DLGAP2: variants seen among roughly 807,000 people sequenced by gnomAD.
The protein encoded by DLGAP2 is DLG associated protein 2.
In DLGAP2, 26 loss-of-function variants were observed where a neutral mutation model predicts 100.3. The ratio of observed to expected loss-of-function variants is 0.26; its 90% CI spans 0.19 to 0.36. DLGAP2 has a LOEUF of 0.36. DLGAP2 is among the 10% of genes least tolerant of loss of function. The pLI, the probability that DLGAP2 is intolerant of heterozygous loss-of-function variation, is 1.00. For synonymous variants in DLGAP2, 886 were observed against 630.1 expected (o/e 1.41, Z -6.08); for missense variants, 1,858 against 1,453.2 (o/e 1.28, Z -4.53).
At chr8:1,007,322 C>T (rs543624490) in intron 2 of DLGAP2, among the ~76,000 whole-genome samples, 2 of 152,350 alleles carry the variant, frequency 1.3e-5, no homozygotes, top group African/African-American at 4.8e-5. Context: ...GCCAGCCGCT[C>T]TCAGGTGCCC....
chr8:1,092,975 A>T (rs904528586), intron 2 of DLGAP2, among the ~76,000 whole-genome samples: 15 of 152,174 alleles, frequency 9.9e-5, no homozygotes, highest in African/African-American at 3.6e-4. Context: ...TTCACCGGAT[A>T]TGGGGGCTGC....
intron 1 of DLGAP2, among the ~76,000 whole-genome samples, chr8:875,761 A>G (rs1797678027): frequency 6.6e-6 from 1 of 152,088 alleles, no homozygotes; most frequent in African/African-American, 2.4e-5. Context: ...GTAGCATTTT[A>G]AGTTACTTAA....
intron 1 of DLGAP2, among the ~76,000 whole-genome samples, chr8:812,127 T>C (rs34531176): frequency 0.11 from 17,189 of 152,172 alleles, 1,501 homozygotes; most frequent in East Asian, 0.51. Context: ...AGAGATTTAA[T>C]GCGAGGAAGT....
At chr8:1,191,251 A>C (rs1797629313) in intron 2 of DLGAP2, among the ~76,000 whole-genome samples, 1 of 123,240 alleles carries the variant, frequency 8.1e-6, no homozygotes, top group African/African-American at 3.1e-5. Flanking sequence ...GGCTCACTGC[A>C]GCTCCACCTC....
At chr8:1,339,929 G>T (rs1306247282) in intron 3 of DLGAP2, among the ~76,000 whole-genome samples, 1 of 152,210 alleles carries the variant, frequency 6.6e-6, no homozygotes, top group East Asian at 1.9e-4. Flanking sequence ...AGGAAGCTGT[G>T]CAAACAGCTA....
intron 1 of DLGAP2, among the ~76,000 whole-genome samples, chr8:782,075 T>C (rs61266232): frequency 0.093 from 14,162 of 152,124 alleles, 891 homozygotes; most frequent in East Asian, 0.23. Context: ...AGAGAAAAAT[T>C]TGAATGTTTC....
At chr8:778,756 G>A (rs1364436585) in intron 1 of DLGAP2, among the ~76,000 whole-genome samples, 1 of 152,240 alleles carries the variant, frequency 6.6e-6, no homozygotes, top group Non-Finnish European at 1.5e-5. Flanking sequence ...CTGTCAGACA[G>A]GGACATTTAA....
chr8:1,201,206 G>A (rs1797865321), intron 2 of DLGAP2, among the ~76,000 whole-genome samples: 1 of 152,174 alleles, frequency 6.6e-6, no homozygotes, highest in Admixed American at 6.5e-5. Context: ...CAGGGTTCTC[G>A]AGAGACGCAG....
In DLGAP2 at chr8:1,052,198, C is replaced by T. The variant is rs141476239; in HGVS notation, c.73+144232C>T. Among the ~76,000 whole-genome samples the T allele has an allele frequency of 4.6e-5, 7 of 152,248 alleles. No homozygotes were observed. The East Asian group carries it at 1.4e-3, about 30-fold the overall frequency. On this transcript the variant is annotated intron_variant, in intron 2 of 14. Transcript: ENST00000637795. ...CCGCCCTTCCTGGGCCTGCCTCTGA[C>T]CACCCCTTCCCCCCATTCTCATGCA...
At chr8:946,358 G>A (rs978100897) in intron 2 of DLGAP2, among the ~76,000 whole-genome samples, 2 of 151,788 alleles carry the variant, frequency 1.3e-5, no homozygotes, top group African/African-American at 2.4e-5. Flanking sequence ...CCGCCTCCCG[G>A]GTTCACACCA....
chr8:1,512,682 T>C (rs1800212422), intron 4 of DLGAP2, among the ~76,000 whole-genome samples: 1 of 152,210 alleles, frequency 6.6e-6, no homozygotes, highest in African/African-American at 2.4e-5. Flanking sequence ...TCTAGGAGGT[T>C]CAGCTGACAG....
intron 2 of DLGAP2, among the ~76,000 whole-genome samples, chr8:1,129,401 C>CAA (rs35118074): frequency 8.9e-6 from 1 of 112,040 alleles, no homozygotes; most frequent in African/African-American, 3.8e-5. Context: ...GACTCCATCT[C>CAA]AAAAAAAAAA....
chr8:1,621,709 G>T (rs1797342981), intron 6 of DLGAP2: 2 of 152,392 alleles, frequency 1.3e-5, no homozygotes, highest in African/African-American at 4.8e-5. Flanking sequence ...CAAGGGTATG[G>T]CATTTCCGAG....
chr8:1,174,589 TGTC>T (rs1797211856), intron 2 of DLGAP2, among the ~76,000 whole-genome samples: 1 of 151,538 alleles, frequency 6.6e-6, no homozygotes, highest in African/African-American at 2.4e-5. Context: ...TTACCATCAT[TGTC>T]GTCATCATCA....
In DLGAP2 at chr8:1,613,406, C is replaced by T. The variant is rs866238297; in HGVS notation, c.1443-13334C>T. ...GGGGACTGTGGTGGGGTGGGGGGAG[C>T]GGGGAGGGATAGAATTGGGAGATAT... On this transcript the variant is annotated intron_variant, in intron 6 of 14. Coordinates refer to ENST00000637795, the MANE Select transcript of DLGAP2 (RefSeq NM_001346810.2). Among the ~76,000 whole-genome samples the T allele has an allele frequency of 5.9e-3, 821 of 140,268 alleles. 6 individuals are homozygous for T. Among genetic ancestry groups the T allele is most frequent in the African/African-American group, 0.02 (766 of 38,266 alleles). 92.0% of individuals were successfully genotyped at this position (140,268 alleles called of 152,430 possible). A position where few individuals can be genotyped will look rare whatever the true frequency, so the allele number is the denominator to read the frequency against.
intron 2 of DLGAP2, among the ~76,000 whole-genome samples, chr8:1,010,586 G>C (rs1296785472): frequency 6.6e-6 from 1 of 152,190 alleles, no homozygotes; most frequent in Non-Finnish European, 1.5e-5. Context: ...TGCAAGTCCA[G>C]TTTCACTTAC....
At chr8:871,071 C>T (rs559180676) in intron 1 of DLGAP2, among the ~76,000 whole-genome samples, 18 of 152,332 alleles carry the variant, frequency 1.2e-4, no homozygotes, top group South Asian at 4.1e-4. Flanking sequence ...TGTGGCAGTG[C>T]GCACTGTTTG....
At chr8:963,495 T>C (rs1298810342) in intron 2 of DLGAP2, among the ~76,000 whole-genome samples, 2 of 152,210 alleles carry the variant, frequency 1.3e-5, no homozygotes, top group Non-Finnish European at 1.5e-5. Context: ...AATATAACTT[T>C]TATGTATGTA....
chr8:1,372,912 G>A (rs1226303702), intron 3 of DLGAP2, among the ~76,000 whole-genome samples: 1 of 152,202 alleles, frequency 6.6e-6, no homozygotes, highest in Non-Finnish European at 1.5e-5. Context: ...CTAAAGATCC[G>A]TACGGGGCAC....
Sources: gnomAD v4.1 joint callset for allele counts (sites outside exome capture counted in the v4.1 genomes callset) on GRCh38, gnomAD v4.1.1 for gene constraint, MANE v1.5 for transcripts, NCBI Gene and HGNC (gene_info 2026-07-23, HGNC 2026-07-21) for gene names.